Variants in SHROOM3 observed in about 807,000 individuals in gnomAD.
SHROOM3 encodes the protein protein Shroom3.
A neutral mutation model predicts 138.6 loss-of-function variants in SHROOM3; 47 were observed. That is an observed-to-expected ratio of 0.34 (90% CI 0.27 to 0.43). The LOEUF (loss-of-function observed/expected upper bound fraction) is 0.43. SHROOM3 is among the 20% of genes least tolerant of loss of function. The probability of loss-of-function intolerance (pLI) is 1.00; values close to 1 mark genes in which losing one functional copy is unlikely to be tolerated. For synonymous variants in SHROOM3, 1,062 were observed against 1,063.3 expected (o/e 1.00, Z 0.02); for missense variants, 2,491 against 2,596.5 (o/e 0.96, Z 0.88).
In SHROOM3 at chr4:76,770,809, G is replaced by A. The variant is rs764638544; in HGVS notation, c.5533G>A (p.Val1845Ile). ...GTTCATAGGGGATTTGGACAAGGTG[G>A]TCAACCTGCTGCTCTCCCTCTCGGG... ...RMFIGDLDKVVNLLLSLSGRL... is the reference protein window; with the variant it reads ...RMFIGDLDKVINLLLSLSGRL... The change falls in exon 10 of 11, where the codon GTC becomes ATC. Residue 1845 changes from valine to isoleucine, a missense_variant. Physicochemically the swap from Val to Ile is conservative, Grantham distance 29. This residue lies in a region of SHROOM3 where 470 missense variants were observed against 595.0 expected (regional missense o/e 0.79). Coordinates refer to ENST00000296043, the MANE Select transcript of SHROOM3 (RefSeq NM_020859.4). 1 of 1,614,088 alleles carries A rather than the reference G, an allele frequency of 6.2e-7. No individual in the cohort carries two copies. Among genetic ancestry groups the A allele is most frequent in the East Asian group, 2.2e-5 (1 of 44,892 alleles).
chr4:76,598,704 C>T (rs972389745), intron 2 of SHROOM3, among the ~76,000 whole-genome samples: 1 of 152,052 alleles, frequency 6.6e-6, no homozygotes, highest in African/African-American at 2.4e-5. Context: ...CAAGGGGCCA[C>T]GTGGGCAGGG....
chr4:76,502,794 A>C (rs1732126803), intron 1 of SHROOM3, among the ~76,000 whole-genome samples: 1 of 152,210 alleles, frequency 6.6e-6, no homozygotes, highest in South Asian at 2.1e-4. Flanking sequence ...TCTGCAATTC[A>C]TTTGGAATTG....
intron 9 of SHROOM3, among the ~76,000 whole-genome samples, chr4:76,767,987 G>A (rs1722218803): frequency 6.6e-6 from 1 of 152,182 alleles, no homozygotes; most frequent in Non-Finnish European, 1.5e-5. Flanking sequence ...CTTTTCCTGA[G>A]GGTGCAGTGA....
At chr4:76,645,345 C>A (rs2110084686) in intron 2 of SHROOM3, 1 of 152,304 alleles carries the variant, frequency 6.6e-6, no homozygotes, top group African/African-American at 2.4e-5. Flanking sequence ...CCCTCAACAT[C>A]CCCAGAGGAT....
At chr4:76,753,516 T>G (rs1721700467) in intron 6 of SHROOM3, among the ~76,000 whole-genome samples, 1 of 152,242 alleles carries the variant, frequency 6.6e-6, no homozygotes. Flanking sequence ...GTGGGTTTGC[T>G]GGAGAGCTTT....
At chr4:76,692,608 A>G (rs1429746123) in intron 2 of SHROOM3, among the ~76,000 whole-genome samples, 1 of 152,210 alleles carries the variant, frequency 6.6e-6, no homozygotes, top group Non-Finnish European at 1.5e-5. Context: ...CCTGGAAACA[A>G]CCCTACATCC....
At chr4:76,756,968 T>C (rs767102375) in intron 8 of SHROOM3, 31 bp downstream of exon 8, 1 of 1,613,308 alleles carries the variant, frequency 6.2e-7, no homozygotes, top group Non-Finnish European at 8.5e-7. Flanking sequence ...TCAGAGAGAC[T>C]TACAATCACA....
chr4:76,546,822 A>AT (rs758724318), intron 1 of SHROOM3, among the ~76,000 whole-genome samples: 1 of 152,212 alleles, frequency 6.6e-6, no homozygotes, highest in Non-Finnish European at 1.5e-5. Flanking sequence ...CCTCAATCAC[A>AT]TACCCCTGCC....
At chr4:76,448,111 G>A (rs1475244185) in intron 1 of SHROOM3, among the ~76,000 whole-genome samples, 2 of 152,064 alleles carry the variant, frequency 1.3e-5, no homozygotes, top group Non-Finnish European at 2.9e-5. Context: ...TCTGCTGTGG[G>A]TCAGGTACTA....
chr4:76,681,625 G>GTGTGTGTA (rs1553936164), intron 2 of SHROOM3, among the ~76,000 whole-genome samples: 3 of 117,954 alleles, frequency 2.5e-5, no homozygotes, highest in African/African-American at 1.1e-4. Flanking sequence ...GTGTGTGTGT[G>GTGTGTGTA]TGTGTGTGTA....
At chr4:76,496,957 T>G (rs1196132786) in intron 1 of SHROOM3, among the ~76,000 whole-genome samples, 1 of 152,234 alleles carries the variant, frequency 6.6e-6, no homozygotes, top group Non-Finnish European at 1.5e-5. Context: ...CTTGATAGCA[T>G]GTAACCTCTA....
intron 2 of SHROOM3, among the ~76,000 whole-genome samples, chr4:76,679,247 CA>C (rs1310671206): frequency 2.0e-5 from 3 of 152,216 alleles, no homozygotes; most frequent in Non-Finnish European, 2.9e-5. Flanking sequence ...TCAGATACCT[CA>C]ACCTAGTCTT....
chr4:76,554,400 T>G (rs1733433984), intron 1 of SHROOM3, among the ~76,000 whole-genome samples: 2 of 149,184 alleles, frequency 1.3e-5, no homozygotes, highest in South Asian at 2.1e-4. Context: ...ACAACTTTTT[T>G]TTGTTGTTTT....
intron 2 of SHROOM3, among the ~76,000 whole-genome samples, chr4:76,571,777 T>C (rs1268175641): frequency 6.6e-6 from 1 of 152,214 alleles, no homozygotes; most frequent in African/African-American, 2.4e-5. Flanking sequence ...AGACTTCCAA[T>C]AAGATTTTAT....
chr4:76,672,178 T>C (rs1718902381), intron 2 of SHROOM3, among the ~76,000 whole-genome samples: 1 of 152,068 alleles, frequency 6.6e-6, no homozygotes, highest in Admixed American at 6.5e-5. Flanking sequence ...AAAATGAACA[T>C]AGCAAGATTT....
intron 2 of SHROOM3, among the ~76,000 whole-genome samples, chr4:76,625,855 G>T (rs1450541116): frequency 6.6e-6 from 1 of 152,176 alleles, no homozygotes; most frequent in East Asian, 1.9e-4. Flanking sequence ...AGCAACTTGT[G>T]AGCAAGGACT....
intron 1 of SHROOM3, among the ~76,000 whole-genome samples, chr4:76,448,176 G>A (rs573698426): frequency 6.6e-6 from 1 of 152,084 alleles, no homozygotes; most frequent in East Asian, 1.9e-4. Context: ...TTATATATGA[G>A]GAAAGAGGTT....
intron 1 of SHROOM3, among the ~76,000 whole-genome samples, chr4:76,540,185 A>G (rs1205664533): frequency 6.6e-6 from 1 of 152,214 alleles, no homozygotes; most frequent in African/African-American, 2.4e-5. Flanking sequence ...AAATGTTGGT[A>G]GCTCACTGTG....
chr4:76,493,804 G>C (rs1358776984), intron 1 of SHROOM3, among the ~76,000 whole-genome samples: 2 of 152,004 alleles, frequency 1.3e-5, no homozygotes, highest in African/African-American at 4.8e-5. Flanking sequence ...CATGGTGAAA[G>C]CCTGTCTCTA....
Sources: gnomAD v4.1 joint callset for allele counts (sites outside exome capture counted in the v4.1 genomes callset) on GRCh38, gnomAD v4.1.1 for gene constraint, gnomAD v4.1.1 regional missense constraint, MANE v1.5 for transcripts, NCBI Gene and HGNC (gene_info 2026-07-23, HGNC 2026-07-21) for gene names.